Variants in ROBO2 observed in about 807,000 individuals in gnomAD.
The protein encoded by ROBO2 is roundabout homolog 2.
ROBO2 carries 53 observed loss-of-function variants against 160.8 expected under a neutral mutation model. The observed-to-expected ratio is 0.33, with a 90% CI of 0.26 to 0.41. The LOEUF is 0.41. Among genes scored for constraint, ROBO2 ranks in the 10% least tolerant of loss-of-function variants. ROBO2 has a pLI of 1.00. For missense variants in ROBO2, 1,577 were observed against 1,722.4 expected, an observed-to-expected ratio of 0.92 and a Z score of 1.49; for synonymous variants, 664 against 611.7, an observed-to-expected ratio of 1.09 and a Z score of -1.26.
At chr3:76,559,576 A>C (rs957204757) in intron 2 of ROBO2, among the ~76,000 whole-genome samples, 1 of 151,902 alleles carries the variant, frequency 6.6e-6, no homozygotes, top group African/African-American at 2.4e-5. Flanking sequence ...TTCTTACTAT[A>C]CTCTTCCCAA....
chr3:76,072,127 G>GT (rs908531427), intron 2 of ROBO2, among the ~76,000 whole-genome samples: 3 of 152,110 alleles, frequency 2.0e-5, no homozygotes, highest in Admixed American at 6.6e-5. Flanking sequence ...TTCTAGAAGT[G>GT]TTTTGGTAGA....
intron 2 of ROBO2, among the ~76,000 whole-genome samples, chr3:76,724,371 C>A (rs1308138728): frequency 1.3e-5 from 2 of 152,192 alleles, no homozygotes; most frequent in Admixed American, 1.3e-4. Flanking sequence ...CAACTACCAT[C>A]TTGACTGCTA....
chr3:76,144,276 G>A (rs1468946472), intron 2 of ROBO2, among the ~76,000 whole-genome samples: 1 of 152,022 alleles, frequency 6.6e-6, no homozygotes, highest in Non-Finnish European at 1.5e-5. Flanking sequence ...AAAGTAGAGG[G>A]AGGAATGTGA....
chr3:76,765,207 T>C (rs905545085), intron 2 of ROBO2, among the ~76,000 whole-genome samples: 1 of 151,748 alleles, frequency 6.6e-6, no homozygotes, highest in Non-Finnish European at 1.5e-5. Flanking sequence ...TATTAGATAA[T>C]AGGCAGCTAA....
chr3:76,620,626 C>T (rs1245816981), intron 2 of ROBO2, among the ~76,000 whole-genome samples: 2 of 152,112 alleles, frequency 1.3e-5, no homozygotes, highest in Admixed American at 1.3e-4. Flanking sequence ...TAAAACTGCT[C>T]GGTCACCAAT....
intron 2 of ROBO2, among the ~76,000 whole-genome samples, chr3:77,032,453 G>GT (rs2063381672): frequency 6.6e-6 from 1 of 152,064 alleles, no homozygotes; most frequent in Non-Finnish European, 1.5e-5. Context: ...TATAGTAATT[G>GT]TTTTAAAAAT....
chr3:77,328,441 G>T (rs1481248125), intron 2 of ROBO2, among the ~76,000 whole-genome samples: 1 of 152,212 alleles, frequency 6.6e-6, no homozygotes, highest in African/African-American at 2.4e-5. Flanking sequence ...TAGCAAGCCA[G>T]AATTAATTGA....
chr3:77,482,057 A>G lies in ROBO2; in HGVS notation c.667+838A>G, dbSNP rs115508376. 4.6e-3 allele frequency among the ~76,000 whole-genome samples: 700 copies of G among 152,302 alleles called. 3 individuals carry two copies. The highest frequency in any genetic ancestry group is 0.015 in the African/African-American group (627 of 41,568). ...TCTATTTAAATCTCTGTATAGACAT[A>G]CACATTTATAGACCCACACATGCAC... On this transcript the variant is annotated intron_variant, in intron 4 of 25. Coordinates refer to ENST00000461745, the Ensembl canonical transcript of ROBO2.
chr3:76,867,742 C>G (rs759579560), intron 2 of ROBO2, among the ~76,000 whole-genome samples: 1 of 152,130 alleles, frequency 6.6e-6, no homozygotes, highest in Non-Finnish European at 1.5e-5. Flanking sequence ...ATTCTCTCCT[C>G]GAAAACCATT....
intron 2 of ROBO2, among the ~76,000 whole-genome samples, chr3:76,534,592 G>A (rs2082395550): frequency 6.6e-6 from 1 of 152,136 alleles, no homozygotes; most frequent in Non-Finnish European, 1.5e-5. Flanking sequence ...GGCTGGCAAA[G>A]AGAGGAATGT....
chr3:76,284,138 C>G (rs1334649117), intron 2 of ROBO2, among the ~76,000 whole-genome samples: 2 of 151,840 alleles, frequency 1.3e-5, no homozygotes, highest in East Asian at 3.9e-4. Flanking sequence ...ATGTATAGGT[C>G]TCTTTGGGTA....
At chr3:76,486,396 C>A (rs192574709) in intron 2 of ROBO2, among the ~76,000 whole-genome samples, 15 of 152,300 alleles carry the variant, frequency 9.8e-5, no homozygotes, top group African/African-American at 3.6e-4. Flanking sequence ...GGATTTTCAT[C>A]TGTCGTATGT....
At chr3:77,435,536 C>A (rs2153546519) in intron 2 of ROBO2, among the ~76,000 whole-genome samples, 1 of 151,958 alleles carries the variant, frequency 6.6e-6, no homozygotes, top group East Asian at 1.9e-4. Context: ...CTAAATTCTA[C>A]CTTTCAAACT....
intron 2 of ROBO2, among the ~76,000 whole-genome samples, chr3:76,632,648 A>T (rs1160337751): frequency 6.6e-6 from 1 of 152,236 alleles, no homozygotes; most frequent in East Asian, 1.9e-4. Flanking sequence ...TGCGATCTAG[A>T]TCATTTAAAT....
chr3:75,939,799 A>G (rs1947960128), intron 2 of ROBO2, among the ~76,000 whole-genome samples: 1 of 152,146 alleles, frequency 6.6e-6, no homozygotes, highest in Non-Finnish European at 1.5e-5. Context: ...TTTAAAAATA[A>G]AAGTTTTAAA....
intron 2 of ROBO2, among the ~76,000 whole-genome samples, chr3:77,031,086 T>C (rs1157827811): frequency 6.6e-6 from 1 of 152,118 alleles, no homozygotes; most frequent in Non-Finnish European, 1.5e-5. Flanking sequence ...GTGGGGCTTG[T>C]GTTTTAGTTT....
chr3:76,557,476 A>G lies in ROBO2; in HGVS notation c.110-540538A>G, dbSNP rs529587467. Among the ~76,000 whole-genome samples, 3 of 152,028 alleles carry G rather than the reference A, an allele frequency of 2.0e-5. No individual in the cohort carries two copies. The South Asian group carries it at 6.2e-4, about 32-fold the overall frequency. Reference sequence around the variant, plus strand: ...TCTATACCACTCAAAGGATCCTAACATAAAGATCAAATGAATTATCTTTCC... The same window carrying G: ...TCTATACCACTCAAAGGATCCTAACGTAAAGATCAAATGAATTATCTTTCC... On this transcript the variant is annotated intron_variant, in intron 2 of 26. Coordinates refer to the ROBO2 transcript ENST00000487694.
intron 2 of ROBO2, among the ~76,000 whole-genome samples, chr3:76,818,984 G>C (rs2065904834): frequency 6.6e-6 from 1 of 151,898 alleles, no homozygotes; most frequent in Non-Finnish European, 1.5e-5. Context: ...TCCTCAAACT[G>C]TCTATCTTAG....
intron 2 of ROBO2, among the ~76,000 whole-genome samples, chr3:76,321,228 A>T (rs2072496512): frequency 6.6e-6 from 1 of 152,164 alleles, no homozygotes; most frequent in African/African-American, 2.4e-5. Flanking sequence ...GTATAGAACT[A>T]TATGCTAGGC....
Sources: gnomAD v4.1 joint callset for allele counts (sites outside exome capture counted in the v4.1 genomes callset) on GRCh38, gnomAD v4.1.1 for gene constraint, MANE v1.5 for transcripts, NCBI Gene and HGNC (gene_info 2026-07-23, HGNC 2026-07-21) for gene names.